The following CTNNA3 variants were observed in gnomAD, a reference collection of about 807,000 sequenced individuals.
CTNNA3 encodes catenin alpha 3.
CTNNA3 carries 76 observed loss-of-function variants against 95.7 expected under a neutral mutation model. The ratio of observed to expected loss-of-function variants is 0.79; its 90% CI spans 0.66 to 0.96. The LOEUF (loss-of-function observed/expected upper bound fraction) is 0.96, where lower values mean the gene tolerates loss of function less well. Ranked by LOEUF, CTNNA3 falls within the 40% of genes least tolerant of loss-of-function variation. CTNNA3 has a pLI of 0.00. For synonymous variants in CTNNA3, 431 were observed against 374.4 expected, an observed-to-expected ratio of 1.15 and a Z score of -1.74; for missense variants, 1,191 against 1,089.8, an observed-to-expected ratio of 1.09 and a Z score of -1.31.
At chr10:66,236,440 A>C (rs2089859038) in intron 13 of CTNNA3, among the ~76,000 whole-genome samples, 1 of 152,288 alleles carries the variant, frequency 6.6e-6, no homozygotes, top group South Asian at 2.1e-4. Context: ...ATTTAGTAAT[A>C]TTTAATCTGT....
At chr10:67,365,939 C>A (rs1041490990) in intron 5 of CTNNA3, among the ~76,000 whole-genome samples, 5 of 152,124 alleles carry the variant, frequency 3.3e-5, no homozygotes, top group African/African-American at 9.7e-5. Flanking sequence ...ATGTTTATTG[C>A]GGCACTATTC....
intron 7 of CTNNA3, among the ~76,000 whole-genome samples, chr10:66,810,738 A>G (rs2132261857): frequency 6.6e-6 from 1 of 152,320 alleles, no homozygotes; most frequent in Non-Finnish European, 1.5e-5. Flanking sequence ...CTCCACATTC[A>G]TGGTGGTCTT....
chr10:66,569,271 G>T lies in CTNNA3; in HGVS notation c.1375-48498C>A, dbSNP rs1189049471. Among the ~76,000 whole-genome samples, 9 of 152,196 alleles carry T rather than the reference G, an allele frequency of 5.9e-5. No homozygotes were observed. The East Asian group carries it at 1.7e-3, about 29-fold the overall frequency. ...CTTAGCTGCGCCAGCCTTTTGCTTT[G>T]CAATTTAGTCTTCCTTACCCTCCTC... On this transcript the variant is annotated intron_variant, in intron 10 of 17. Transcript: ENST00000433211.
intron 13 of CTNNA3, among the ~76,000 whole-genome samples, chr10:66,175,595 T>C (rs2085664948): frequency 6.6e-6 from 1 of 152,076 alleles, no homozygotes; most frequent in African/African-American, 2.4e-5. Flanking sequence ...AGACATTTGG[T>C]GGAAACACCA....
At chr10:66,307,638 A>G (rs942759900) in intron 12 of CTNNA3, among the ~76,000 whole-genome samples, 6 of 152,192 alleles carry the variant, frequency 3.9e-5, no homozygotes, top group Admixed American at 3.3e-4. Flanking sequence ...TAGGATGAGA[A>G]TAAATAAAAA....
intron 1 of CTNNA3, among the ~76,000 whole-genome samples, chr10:67,711,634 C>A (rs1321707378): frequency 6.6e-6 from 1 of 151,526 alleles, no homozygotes; most frequent in African/African-American, 2.4e-5. Context: ...GCACATTGTG[C>A]AGGTTAGTTA....
chr10:67,467,516 C>T (rs1847642889), intron 5 of CTNNA3, among the ~76,000 whole-genome samples: 1 of 152,080 alleles, frequency 6.6e-6, no homozygotes, highest in Admixed American at 6.6e-5. Context: ...TCATTTCACA[C>T]ATCCTTTACA....
intron 1 of CTNNA3, among the ~76,000 whole-genome samples, chr10:67,683,982 G>T (rs571845424): frequency 2.0e-5 from 3 of 152,368 alleles, no homozygotes; most frequent in African/African-American, 7.2e-5. Flanking sequence ...AACCCAAAGA[G>T]TGAGCAACAG....
intron 1 of CTNNA3, among the ~76,000 whole-genome samples, chr10:67,720,668 T>A (rs2133619044): frequency 6.6e-6 from 1 of 152,222 alleles, no homozygotes; most frequent in East Asian, 1.9e-4. Context: ...TCTTTAAGAA[T>A]GTTAGCTGGG....
At chr10:67,516,844 A>G (rs1417636557) in intron 5 of CTNNA3, among the ~76,000 whole-genome samples, 1 of 152,228 alleles carries the variant, frequency 6.6e-6, no homozygotes, top group Non-Finnish European at 1.5e-5. Flanking sequence ...TATAAGTAAG[A>G]CCATACAGTA....
chr10:66,563,458 A>G (rs912977911), intron 10 of CTNNA3, among the ~76,000 whole-genome samples: 2 of 152,154 alleles, frequency 1.3e-5, no homozygotes, highest in Non-Finnish European at 2.9e-5. Context: ...AGATTAAAAG[A>G]AAAAGTTGTT....
At chr10:66,422,328 G>A (rs760633265) in intron 11 of CTNNA3, among the ~76,000 whole-genome samples, 4 of 152,106 alleles carry the variant, frequency 2.6e-5, no homozygotes, top group African/African-American at 4.8e-5. Flanking sequence ...GTTTCTTACA[G>A]ATGTCTCAGT....
intron 13 of CTNNA3, among the ~76,000 whole-genome samples, chr10:66,185,335 T>C (rs1027699415): frequency 1.3e-5 from 2 of 152,056 alleles, no homozygotes; most frequent in Admixed American, 1.3e-4. Context: ...ATTATTCAGA[T>C]ATAACCTTAC....
intron 10 of CTNNA3, among the ~76,000 whole-genome samples, chr10:66,580,861 A>G (rs1843161395): frequency 6.6e-6 from 1 of 151,746 alleles, no homozygotes; most frequent in Non-Finnish European, 1.5e-5. Context: ...TTATCTGAAT[A>G]GTGCATATTG....
At chr10:66,650,496 A>C (rs1845855478) in intron 9 of CTNNA3, among the ~76,000 whole-genome samples, 1 of 152,228 alleles carries the variant, frequency 6.6e-6, no homozygotes, top group Non-Finnish European at 1.5e-5. Context: ...ACAAAACAGC[A>C]AAACTCATGA....
At chr10:67,738,296 C>G (rs1344357934) in intron 1 of CTNNA3, among the ~76,000 whole-genome samples, 1 of 152,148 alleles carries the variant, frequency 6.6e-6, no homozygotes, top group Non-Finnish European at 1.5e-5. Context: ...TGGTGATACC[C>G]AGGCAAACAA....
At chr10:66,224,693 T>C (rs1205026031) in intron 13 of CTNNA3, among the ~76,000 whole-genome samples, 3 of 152,128 alleles carry the variant, frequency 2.0e-5, no homozygotes, top group Non-Finnish European at 2.9e-5. Context: ...AAATGTCTAC[T>C]CCAAAAGGAA....
chr10:66,172,370 T>C (rs982361842), intron 13 of CTNNA3, among the ~76,000 whole-genome samples: 2 of 152,182 alleles, frequency 1.3e-5, no homozygotes, highest in Non-Finnish European at 2.9e-5. Flanking sequence ...TTTGGCTCAA[T>C]TAACTCTCTG....
chr10:66,728,990 G>C (rs1369413541), intron 9 of CTNNA3, among the ~76,000 whole-genome samples: 1 of 152,176 alleles, frequency 6.6e-6, no homozygotes, highest in Non-Finnish European at 1.5e-5. Context: ...CTCTCAGCAT[G>C]ATTTATTAAA....
Sources: gnomAD v4.1 joint callset for allele counts (sites outside exome capture counted in the v4.1 genomes callset) on GRCh38, gnomAD v4.1.1 for gene constraint, MANE v1.5 for transcripts, NCBI Gene and HGNC (gene_info 2026-07-23, HGNC 2026-07-21) for gene names.